The following DMXL2 variants were observed in gnomAD, a reference collection of about 807,000 sequenced individuals.
The protein encoded by DMXL2 is Dmx like 2, also known as dmX-like protein 2.
DMXL2 carries 103 observed loss-of-function variants against 331.1 expected under a neutral mutation model. That is an observed-to-expected ratio of 0.31 (90% CI 0.27 to 0.37). The LOEUF is 0.37. Among genes scored for constraint, DMXL2 ranks in the 10% least tolerant of loss-of-function variants. DMXL2 has a pLI of 1.00. For missense variants in DMXL2, 3,171 were observed against 3,642.9 expected (o/e 0.87, Z 3.33); for synonymous variants, 1,281 against 1,252.1 (o/e 1.02, Z -0.49).
At chr15:51,574,950 G>A (rs2050920659) in intron 2 of DMXL2, among the ~76,000 whole-genome samples, 2 of 152,260 alleles carry the variant, frequency 1.3e-5, no homozygotes, top group South Asian at 2.1e-4. Context: ...GCTTGGCCTA[G>A]AGAGAAGAGC....
At chr15:51,572,969 T>C (rs2050771800) in intron 2 of DMXL2, among the ~76,000 whole-genome samples, 1 of 152,184 alleles carries the variant, frequency 6.6e-6, no homozygotes, top group African/African-American at 2.4e-5. Context: ...TAAAGGGTAT[T>C]CAATTAGGAA....
chr15:51,510,919 C>A (rs1402195397), intron 15 of DMXL2, among the ~76,000 whole-genome samples: 2 of 152,096 alleles, frequency 1.3e-5, no homozygotes, highest in African/African-American at 4.8e-5. Context: ...CTTTGACAAA[C>A]CTGACAAAAA....
chr15:51,450,009 T>C (rs2038993580), intron 43 of DMXL2, 120 bp downstream of exon 43: 1 of 856,958 alleles, frequency 1.2e-6, no homozygotes, highest in Non-Finnish European at 1.8e-6. Flanking sequence ...AGATATGCAG[T>C]ATCTCCATGC....
At chr15:51,563,275 G>A in intron 6 of DMXL2, 106 bp downstream of exon 6, 1 of 947,778 alleles carries the variant, frequency 1.1e-6, no homozygotes, top group Non-Finnish European at 1.6e-6. Context: ...TTGCCAAGGA[G>A]GATTATCCCA....
At chr15:51,611,461 G>A (rs1381761418) in intron 1 of DMXL2, among the ~76,000 whole-genome samples, 1 of 152,200 alleles carries the variant, frequency 6.6e-6, no homozygotes, top group African/African-American at 2.4e-5. Flanking sequence ...CTTCCTCCAT[G>A]AGGCCTCAGT....
intron 1 of DMXL2, among the ~76,000 whole-genome samples, chr15:51,593,648 T>G (rs942892568): frequency 1.3e-5 from 2 of 152,148 alleles, no homozygotes; most frequent in Non-Finnish European, 2.9e-5. Flanking sequence ...ATTCCAAAAT[T>G]GACCACATAG....
At chr15:51,486,448 G>A (rs562142765) in intron 22 of DMXL2, 111 bp from the exon 23 acceptor site, 39 of 836,252 alleles carry the variant, frequency 4.7e-5, no homozygotes, top group Admixed American at 4.0e-4. Context: ...AATGGTGGGC[G>A]AAGGGACAGT....
chr15:51,609,090 G>A (rs1393463996), intron 1 of DMXL2, among the ~76,000 whole-genome samples: 1 of 115,204 alleles, frequency 8.7e-6, no homozygotes, highest in African/African-American at 2.9e-5. Context: ...TTCAATAAGT[G>A]AAATAAGTTA....
intron 19 of DMXL2, among the ~76,000 whole-genome samples, chr15:51,493,954 G>C (rs936720093): frequency 3.3e-5 from 5 of 151,978 alleles, no homozygotes; most frequent in Non-Finnish European, 7.4e-5. Flanking sequence ...TTGGTACGTA[G>C]TACGTGTATA....
chr15:51,481,506 A>C lies in DMXL2; in HGVS notation c.5600T>G (p.Leu1867Arg), dbSNP rs763462320. The stretch of plus-strand genomic sequence containing the variant: ...ATCAACAAAGTTCTTCTCAGTTTTG[A>C]GACCTAAGGTTGCCAAAGTTCCTTC... ...SPEGTLATLG[L>R]KTEKNFVDKI... Residue 1867 changes from leucine to arginine, a missense_variant, in exon 24 of 44, where the codon CTC becomes CGC. Physicochemically the swap from Leu to Arg is moderately radical, Grantham distance 102. Coordinates refer to ENST00000560891, the MANE Select transcript of DMXL2 (RefSeq NM_001378457.1). 6.2e-7 allele frequency: 1 copy of C among 1,613,830 alleles called. No individual in the cohort carries two copies. The highest frequency in any genetic ancestry group is 1.3e-5 in the African/African-American group (1 of 75,022).
At chr15:51,594,285 A>T (rs2052620402) in intron 1 of DMXL2, among the ~76,000 whole-genome samples, 2 of 152,170 alleles carry the variant, frequency 1.3e-5, no homozygotes, top group Admixed American at 1.3e-4. Flanking sequence ...TACTATAAAC[A>T]CCTCTACACA....
chr15:51,497,601 CA>C (rs761721023), intron 18 of DMXL2, among the ~76,000 whole-genome samples: 11 of 152,202 alleles, frequency 7.2e-5, no homozygotes, highest in Non-Finnish European at 1.2e-4. Context: ...CATTAATTTT[CA>C]GTTTCCTTTG....
At chr15:51,508,219 C>G (rs903076652) in intron 15 of DMXL2, among the ~76,000 whole-genome samples, 1 of 152,086 alleles carries the variant, frequency 6.6e-6, no homozygotes, top group Non-Finnish European at 1.5e-5. Flanking sequence ...GGAGAAAGAC[C>G]TAACATAGAT....
intron 1 of DMXL2, among the ~76,000 whole-genome samples, chr15:51,617,288 G>C (rs1399483707): frequency 1.3e-5 from 2 of 152,182 alleles, no homozygotes; most frequent in Non-Finnish European, 2.9e-5. Context: ...TGCGAAAGGA[G>C]AACCTAAACA....
chr15:51,533,507 A>C (rs1025384673), intron 13 of DMXL2, among the ~76,000 whole-genome samples: 6 of 152,198 alleles, frequency 3.9e-5, no homozygotes, highest in Non-Finnish European at 8.8e-5. Context: ...AAAACTAAAA[A>C]CAGGCAAAAA....
chr15:51,551,057 T>C (rs1446943043), intron 6 of DMXL2, among the ~76,000 whole-genome samples: 1 of 151,908 alleles, frequency 6.6e-6, no homozygotes. Flanking sequence ...ACAGTGACCA[T>C]CTGTTTTATC....
chr15:51,609,991 G>A (rs1008313377), intron 1 of DMXL2, among the ~76,000 whole-genome samples: 3 of 151,492 alleles, frequency 2.0e-5, no homozygotes, highest in East Asian at 1.9e-4. Flanking sequence ...TTTGCACGAC[G>A]ATGAAATTGC....
At chr15:51,526,450 G>A in intron 13 of DMXL2, among the ~76,000 whole-genome samples, 2 of 152,198 alleles carry the variant, frequency 1.3e-5, no homozygotes, top group Non-Finnish European at 2.9e-5. Context: ...AGCTCAGACT[G>A]TGAAGATTAC....
At chr15:51,621,707 C>A (rs898340755) in intron 1 of DMXL2, among the ~76,000 whole-genome samples, 1 of 152,108 alleles carries the variant, frequency 6.6e-6, no homozygotes, top group African/African-American at 2.4e-5. Context: ...TTTTCTCAAA[C>A]AAGCACTGTT....
Sources: allele counts gnomAD v4.1 joint callset (sites outside exome capture counted in the v4.1 genomes callset), GRCh38; gene constraint gnomAD v4.1.1; transcripts MANE v1.5; gene names NCBI Gene and HGNC (gene_info 2026-07-23, HGNC 2026-07-21).